The following CNIH3 variants were observed in gnomAD, a reference collection of about 807,000 sequenced individuals.
CNIH3 encodes protein cornichon homolog 3.
CNIH3 carries 14 observed loss-of-function variants against 24.1 expected under a neutral mutation model. That is an observed-to-expected ratio of 0.58 (90% CI 0.38 to 0.91). The LOEUF (loss-of-function observed/expected upper bound fraction) is 0.91, where lower values mean the gene tolerates loss of function less well. Among genes scored for constraint, CNIH3 ranks in the 40% least tolerant of loss-of-function variants. The pLI, the probability that CNIH3 is intolerant of heterozygous loss-of-function variation, is 0.00. For synonymous variants in CNIH3, 68 were observed against 73.8 expected (o/e 0.92, Z 0.40); for missense variants, 178 against 196.8 (o/e 0.90, Z 0.57).
At chr1:224,530,964 T>C (rs1049189282) in intron 2 of CNIH3, among the ~76,000 whole-genome samples, 3 of 152,024 alleles carry the variant, frequency 2.0e-5, no homozygotes, top group Admixed American at 6.5e-5. Flanking sequence ...TCTCCTTTTT[T>C]CCCCCCTAGG....
intron 1 of CNIH3, among the ~76,000 whole-genome samples, chr1:224,623,844 G>A (rs1271394343): frequency 1.3e-5 from 2 of 151,962 alleles, no homozygotes; most frequent in Admixed American, 6.6e-5. Flanking sequence ...AGGTCCACCC[G>A]TCCCCACCCC....
intron 1 of CNIH3, among the ~76,000 whole-genome samples, chr1:224,443,314 A>G (rs1003937012): frequency 1.3e-5 from 2 of 152,168 alleles, no homozygotes; most frequent in Admixed American, 6.6e-5. Flanking sequence ...ATTTACAACT[A>G]CTTGCATCTA....
intron 1 of CNIH3, among the ~76,000 whole-genome samples, chr1:224,662,645 C>G (rs975794177): frequency 1.3e-5 from 2 of 152,166 alleles, no homozygotes; most frequent in African/African-American, 4.8e-5. Context: ...GTCACATGAA[C>G]TTGAAAAAGG....
At chr1:224,555,777 T>A (rs756187439) in intron 3 of CNIH3, among the ~76,000 whole-genome samples, 1 of 152,250 alleles carries the variant, frequency 6.6e-6, no homozygotes, top group African/African-American at 2.4e-5. Flanking sequence ...CTAATCCTTT[T>A]TTTTTCCTCG....
intron 1 of CNIH3, among the ~76,000 whole-genome samples, chr1:224,492,223 A>G (rs1677260399): frequency 6.6e-6 from 1 of 152,274 alleles, no homozygotes; most frequent in African/African-American, 2.4e-5. Context: ...TTTATGCCAC[A>G]GAAATTGGCA....
At chr1:224,566,231 G>C (rs1680575591) in exon 4 of CNIH3, 2 of 152,064 alleles carry the variant, frequency 1.3e-5, no homozygotes, top group African/African-American at 4.8e-5. Context: ...AGCCAAACTG[G>C]AGAGACCAGT....
intron 3 of CNIH3, among the ~76,000 whole-genome samples, chr1:224,715,042 A>G (rs950282283): frequency 2.6e-5 from 4 of 152,172 alleles, no homozygotes; most frequent in African/African-American, 9.7e-5. Flanking sequence ...ACCAATCAAC[A>G]AAAAACCCCT....
intron 3 of CNIH3, among the ~76,000 whole-genome samples, chr1:224,695,749 G>C (rs1572740362): frequency 6.6e-6 from 1 of 152,188 alleles, no homozygotes; most frequent in African/African-American, 2.4e-5. Flanking sequence ...GATCGCTCAG[G>C]CTCCCCTGTA....
chr1:224,460,806 G>A (rs759946857), intron 1 of CNIH3, among the ~76,000 whole-genome samples: 4 of 150,612 alleles, frequency 2.7e-5, no homozygotes, highest in Admixed American at 6.6e-5. Flanking sequence ...GTCTCATTTG[G>A]TCACCCAGGC....
At chr1:224,716,417 C>A (rs1688433007) in intron 3 of CNIH3, among the ~76,000 whole-genome samples, 1 of 152,288 alleles carries the variant, frequency 6.6e-6, no homozygotes, top group East Asian at 1.9e-4. Context: ...ACCACCACTA[C>A]CACATAGGAC....
chr1:224,695,459 C>G (rs16852027), intron 3 of CNIH3, among the ~76,000 whole-genome samples: 9,283 of 152,058 alleles, frequency 0.061, 359 homozygotes, highest in East Asian at 0.14. Flanking sequence ...CTGGTAAGTT[C>G]AGGTTCAGCA....
intron 1 of CNIH3, among the ~76,000 whole-genome samples, chr1:224,476,262 C>G (rs1312919570): frequency 6.6e-6 from 1 of 152,150 alleles, no homozygotes; most frequent in African/African-American, 2.4e-5. Flanking sequence ...AAATAAAGGA[C>G]ATCAGAATTG....
intron 3 of CNIH3, among the ~76,000 whole-genome samples, chr1:224,564,057 A>T (rs975486729): frequency 9.2e-5 from 14 of 152,214 alleles, no homozygotes; most frequent in Middle Eastern, 3.2e-3. Context: ...ATGTGATGAG[A>T]GTCACACTTA....
In CNIH3 at chr1:224,476,300, G is replaced by C. The variant is rs1425465305; in HGVS notation, n.204-39441G>C. ...GGAGGAAGTCAAATTAGCCTTGTTT[G>C]CAGATAATACATCTAATATTCAGAA... On this transcript the variant is annotated intron_variant and non_coding_transcript_variant, in intron 1 of 5. Transcript: ENST00000471578. 2.6e-5 allele frequency among the ~76,000 whole-genome samples: 4 copies of C among 152,292 alleles called. No homozygotes were observed. The Middle Eastern group carries it at 0.01, about 389-fold the overall frequency.
intron 1 of CNIH3, among the ~76,000 whole-genome samples, chr1:224,476,586 A>G (rs1018007178): frequency 2.0e-5 from 3 of 152,234 alleles, no homozygotes; most frequent in Admixed American, 6.5e-5. Flanking sequence ...AATACTTAGG[A>G]TTTAACCAAA....
intron 4 of CNIH3, among the ~76,000 whole-genome samples, chr1:224,575,566 G>A (rs1487988999): frequency 6.6e-6 from 1 of 152,060 alleles, no homozygotes; most frequent in South Asian, 2.1e-4. Context: ...TGTCAATAGA[G>A]TAGCTTTGCT....
intron 1 of CNIH3, among the ~76,000 whole-genome samples, chr1:224,456,222 C>A (rs1428528139): frequency 1.3e-5 from 2 of 152,332 alleles, no homozygotes; most frequent in African/African-American, 4.8e-5. Flanking sequence ...CACACCACCT[C>A]CTGCTTCTTT....
chr1:224,555,043 G>C (rs866344090), intron 3 of CNIH3, among the ~76,000 whole-genome samples: 3 of 152,134 alleles, frequency 2.0e-5, no homozygotes, highest in Middle Eastern at 3.2e-3. Context: ...TATTTGTTGG[G>C]GGTAGTAGGG....
rs761127413 is a variant in CNIH3 at position 224,458,261 on chromosome 1, A to G, written n.203+23399A>G. Among the ~76,000 whole-genome samples, 3 of 152,158 alleles carry G rather than the reference A, an allele frequency of 2.0e-5. No individual in the cohort carries two copies. Among genetic ancestry groups the G allele is most frequent in the Non-Finnish European group, 4.4e-5 (3 of 68,030 alleles). ...TGTGGCTAGGGTGCCAAAGCCGAGAAAGGTCCCGTAGTCCCTGTGTGGTCA... is the reference window on the plus strand; with the variant it reads ...TGTGGCTAGGGTGCCAAAGCCGAGAGAGGTCCCGTAGTCCCTGTGTGGTCA... On this transcript the variant is annotated intron_variant and non_coding_transcript_variant, in intron 1 of 5. Coordinates refer to the CNIH3 transcript ENST00000471578. The surrounding 1 kb of genome is among the most constrained non-coding windows in gnomAD (Gnocchi z 4.3).
Sources: gnomAD v4.1 joint callset for allele counts (sites outside exome capture counted in the v4.1 genomes callset) on GRCh38, gnomAD v4.1.1 for gene constraint, Gnocchi (gnomAD v3.1) non-coding constraint, MANE v1.5 for transcripts, NCBI Gene and HGNC (gene_info 2026-07-23, HGNC 2026-07-21) for gene names.